ZNF197: variants seen among roughly 807,000 people sequenced by gnomAD.
The protein encoded by ZNF197 is zinc finger protein 197, also known as VHL-associated KRAB-A domain-containing protein.
ZNF197 carries 14 observed loss-of-function variants against 27.4 expected under a neutral mutation model. The ratio of observed to expected loss-of-function variants is 0.51; its 90% CI spans 0.34 to 0.80. ZNF197 has a LOEUF of 0.80. Among genes scored for constraint, ZNF197 ranks in the 30% least tolerant of loss-of-function variants. ZNF197 has a pLI of 0.02. For missense variants in ZNF197, 1,090 were observed against 1,222.6 expected (o/e 0.89, Z 1.62); for synonymous variants, 415 against 420.0 (o/e 0.99, Z 0.15).
Position 44,645,698 on chromosome 3 carries a change from T to C in ZNF197, c.*1478T>C. 3 of 985,444 alleles carry C rather than the reference T, an allele frequency of 3.0e-6. No individual in the cohort carries two copies. Among genetic ancestry groups the C allele is most frequent in the Non-Finnish European group, 3.6e-6 (3 of 829,934 alleles). The allele number at this position is 985,444 out of a possible 1,614,324, so 61.0% of individuals were successfully genotyped here. A position where few individuals can be genotyped will look rare whatever the true frequency, so the allele number is the denominator to read the frequency against. ...GTGAATTCTAATCAATATTTCATCA[T>C]TGCTGTCAAATGATAGCCTGTTACT... On this transcript the variant is annotated 3_prime_UTR_variant, in exon 6 of 6. Coordinates refer to ENST00000344387, the MANE Select transcript of ZNF197 (RefSeq NM_006991.5).
chr3:44,629,801 A>G (rs938397319), intron 2 of ZNF197, among the ~76,000 whole-genome samples: 4 of 152,238 alleles, frequency 2.6e-5, no homozygotes, highest in Non-Finnish European at 4.4e-5. Context: ...TCCCTTGGGT[A>G]ATGCTTGCTA....
chr3:44,625,077 G>C lies in ZNF197; in HGVS notation c.-148G>C, dbSNP rs932484083. On this transcript the variant is annotated 5_prime_UTR_variant, in exon 1 of 6. Transcript: ENST00000344387. ...GGCTGCCGGAAGGGCTCGTTCCTGTGTCATCTCCTAGCGGCCTGGCGCCGA... is the reference window on the plus strand; with the variant it reads ...GGCTGCCGGAAGGGCTCGTTCCTGTCTCATCTCCTAGCGGCCTGGCGCCGA... 6.6e-6 allele frequency: 1 copy of C among 152,234 alleles called. No homozygotes were observed. Among genetic ancestry groups the C allele is most frequent in the African/African-American group, 2.4e-5 (1 of 41,464 alleles). 9.4% of individuals were successfully genotyped at this position (152,234 alleles called of 1,614,324 possible). A position where few individuals can be genotyped will look rare whatever the true frequency, so the allele number is the denominator to read the frequency against.
intron 5 of ZNF197, among the ~76,000 whole-genome samples, 181 bp from the exon 6 acceptor site, chr3:44,641,719 T>G (rs1328940682): frequency 2.0e-5 from 3 of 152,242 alleles, no homozygotes; most frequent in African/African-American, 4.8e-5. Context: ...TGTATGTTAA[T>G]CCATTTACAA....
Position 44,647,952 on chromosome 3 carries a change from A to T in ZNF197, c.*3732A>T, listed in dbSNP as rs545428450. The T allele has an allele frequency of 1.3e-5, 2 of 152,292 alleles. No individual in the cohort carries two copies. Among genetic ancestry groups the T allele is most frequent in the African/African-American group, 4.8e-5 (2 of 41,554 alleles). The allele number at this position is 152,292 out of a possible 1,614,324, so 9.4% of individuals were successfully genotyped here. ...ATACACACATACTGTACCAATGTTG[A>T]TTTCCTTTTTCATTTTATGTAAGAT... On this transcript the variant is annotated 3_prime_UTR_variant, in exon 6 of 6. Transcript: ENST00000344387.
intron 1 of ZNF197, among the ~76,000 whole-genome samples, chr3:44,627,314 C>T (rs770992978): frequency 3.3e-5 from 5 of 152,166 alleles, no homozygotes; most frequent in African/African-American, 9.7e-5. Context: ...AGGATCATCT[C>T]CTCAGAATAC....
In ZNF197 at chr3:44,646,591, C is replaced by A; in HGVS notation, c.*2371C>A. ...TTGCATAAGAAAGCTGCCCTGGATT[C>A]TTCAAAATATTATTATGATGAAAAA... On this transcript the variant is annotated 3_prime_UTR_variant, in exon 6 of 6. Coordinates refer to ENST00000344387, the MANE Select transcript of ZNF197 (RefSeq NM_006991.5). 1 of 890,866 alleles carries A rather than the reference C, an allele frequency of 1.1e-6. No homozygotes were observed. Among genetic ancestry groups the A allele is most frequent in the Non-Finnish European group, 1.9e-6 (1 of 528,714 alleles). 55.2% of individuals were successfully genotyped at this position (890,866 alleles called of 1,614,324 possible).
Position 44,639,766 on chromosome 3 carries a change from G to C in ZNF197, c.770-2134G>C, listed in dbSNP as rs146964896. Among the ~76,000 whole-genome samples, 726 of 152,130 alleles carry C rather than the reference G, an allele frequency of 4.8e-3. 10 individuals carry two copies. Among genetic ancestry groups the C allele is most frequent in the African/African-American group, 0.017 (690 of 41,506 alleles). On this transcript the variant is annotated intron_variant, in intron 5 of 5. Coordinates refer to ENST00000344387, the MANE Select transcript of ZNF197 (RefSeq NM_006991.5). ...AAGAAGAAGAGCAATTCAGGAAGAG[G>C]AAAGGACACGGACAGTGATAGGCAA...
chr3:44,626,995 G>A (rs1701705475), intron 1 of ZNF197, among the ~76,000 whole-genome samples: 1 of 152,112 alleles, frequency 6.6e-6, no homozygotes, highest in Admixed American at 6.5e-5. Flanking sequence ...TGCGGAGAGG[G>A]GCTGTGTATT....
chr3:44,626,355 T>G (rs970350794), intron 1 of ZNF197, among the ~76,000 whole-genome samples: 1 of 150,076 alleles, frequency 6.7e-6, no homozygotes, highest in South Asian at 2.1e-4. Flanking sequence ...ATGCTCAGAG[T>G]GAAAAAGGTC....
chr3:44,632,548 G>A lies in ZNF197; in HGVS notation c.718G>A (p.Ala240Thr). ...EWACLGPIQR[A>T]LYWDVMLENY... is the part of the protein sequence containing the mutation. ...GGCATGTCTGGGCCCAATCCAGAGGGCCTTGTACTGGGATGTGATGCTGGA... is the reference window on the plus strand; with the variant it reads ...GGCATGTCTGGGCCCAATCCAGAGGACCTTGTACTGGGATGTGATGCTGGA... Residue 240 changes from alanine (A) to threonine (T), a missense_variant, in exon 5 of 6, where the codon GCC becomes ACC. Coordinates refer to ENST00000344387, the MANE Select transcript of ZNF197 (RefSeq NM_006991.5). The A allele has an allele frequency of 6.2e-7, 1 of 1,608,058 alleles. No individual in the cohort carries two copies. The highest frequency in any genetic ancestry group is 8.5e-7 in the Non-Finnish European group (1 of 1,177,258).
intron 1 of ZNF197, among the ~76,000 whole-genome samples, chr3:44,627,188 T>G (rs1474134210): frequency 6.6e-6 from 1 of 152,246 alleles, no homozygotes; most frequent in Admixed American, 6.5e-5. Context: ...GTATACATTT[T>G]ATAATTTTAA....
intron 2 of ZNF197, chr3:44,630,763 G>C (rs988159153): frequency 5.9e-6 from 3 of 507,350 alleles, no homozygotes; most frequent in Non-Finnish European, 1.1e-5. Context: ...TAAAATCCAT[G>C]CTCTTAATTA....
At position 44,643,965 on chromosome 3, in the gene ZNF197, A is replaced by G. The variant is rs61747170; in HGVS notation, c.2835A>G (p.Leu945=). ...AATCCTTTACTTCTAAGAGGAATTT[A>G]GTTGGCCACCAGAGAATTCACACAG... is the stretch of plus-strand genomic sequence containing the variant. ...CRKSFTSKRN[L]VGHQRIHTGE... The change falls in exon 6 of 6, where the codon TTA becomes TTG. Residue 945 remains leucine (L), a synonymous_variant. Coordinates refer to ENST00000344387, the MANE Select transcript of ZNF197 (RefSeq NM_006991.5). 6,286 of 1,614,164 alleles carry G rather than the reference A, an allele frequency of 3.9e-3. 14 individuals carry two copies. The highest frequency in any genetic ancestry group is 4.7e-3 in the Non-Finnish European group (5,537 of 1,180,022).
Position 44,647,631 on chromosome 3 carries a change from CTT to C in ZNF197, c.*3412_*3413del, listed in dbSNP as rs1367968595. The stretch of plus-strand genomic sequence containing the variant: ...ACTTGTTACTCTGCAATAAAATTGA[CTT>C]ATTGATATCCATAACAACTCAAATA... On this transcript the variant is annotated 3_prime_UTR_variant, in exon 6 of 6. Coordinates refer to ENST00000344387, the MANE Select transcript of ZNF197 (RefSeq NM_006991.5). The C allele has an allele frequency of 6.6e-6, 1 of 152,110 alleles. No individual in the cohort carries two copies. Among genetic ancestry groups the C allele is most frequent in the South Asian group, 2.1e-4 (1 of 4,828 alleles). 9.4% of individuals were successfully genotyped at this position (152,110 alleles called of 1,614,324 possible). A position where few individuals can be genotyped will look rare whatever the true frequency, so the allele number is the denominator to read the frequency against.
chr3:44,630,898 T>C (rs1243038051), intron 2 of ZNF197, 164 bp from the exon 3 acceptor site: 2 of 954,336 alleles, frequency 2.1e-6, no homozygotes, highest in East Asian at 4.9e-5. Context: ...GGCAGCTCCA[T>C]TGTTCTCAAT....
In ZNF197 at chr3:44,645,591, G is replaced by A. The variant is rs1702909863; in HGVS notation, c.*1371G>A. 2.0e-6 allele frequency: 2 copies of A among 985,226 alleles called. No homozygotes were observed. Among genetic ancestry groups the A allele is most frequent in the African/African-American group, 1.7e-5 (1 of 57,200 alleles). 61.0% of individuals were successfully genotyped at this position (985,226 alleles called of 1,614,324 possible). On this transcript the variant is annotated 3_prime_UTR_variant, in exon 6 of 6. Transcript: ENST00000344387. ...AGATGGAGAGTGTCAAAATGGAAGG[G>A]CAGTGGTACCCTGCTTTCCCTATTC...
Position 44,643,605 on chromosome 3 carries a change from G to A in ZNF197, c.2475G>A (p.Lys825=), listed in dbSNP as rs147591122. The change falls in exon 6 of 6, where the codon AAG becomes AAA. Residue 825 remains lysine (K), a synonymous_variant. Transcript: ENST00000344387. Reference sequence around the variant, plus strand: ...CTTATAAATGCAATGACTGTGGGAAGGTCTTCAGTTACCGCTCAAACCTTA... The same window carrying A: ...CTTATAAATGCAATGACTGTGGGAAAGTCTTCAGTTACCGCTCAAACCTTA... ...EKSYKCNDCG[K]VFSYRSNLIA... is the part of the protein sequence containing the mutation. 2.9e-4 allele frequency: 462 copies of A among 1,614,150 alleles called. No homozygotes were observed. In the East Asian group the frequency reaches 9.7e-3, roughly 34 times the overall value.
chr3:44,642,463 CAG>C lies in ZNF197; in HGVS notation c.1336_1337del (p.Arg446AspfsTer9), dbSNP rs1452909974. 2 of 1,613,748 alleles carry C rather than the reference CAG, an allele frequency of 1.2e-6. No individual in the cohort carries two copies. The highest frequency in any genetic ancestry group is 2.7e-5 in the African/African-American group (2 of 74,834). On this transcript the variant is annotated frameshift_variant, in exon 6 of 6. Transcript: ENST00000344387. LOFTEE classifies it low-confidence loss of function (END_TRUNC). The part of the protein sequence containing the change: ...FSQSAYLLNH[Q>X]RIHTGEKPYK... ...TCAAAGTGCTTACCTTCTAAACCAT[CAG>C]AGGATCCACACTGGGGAGAAACCTT...
rs1289849730 is a variant in ZNF197 at position 44,640,610 on chromosome 3, T to G, written c.770-1290T>G. 6.6e-6 allele frequency among the ~76,000 whole-genome samples: 1 copy of G among 152,192 alleles called. No homozygotes were observed. Among genetic ancestry groups the G allele is most frequent in the African/African-American group, 2.4e-5 (1 of 41,448 alleles). On this transcript the variant is annotated intron_variant, in intron 5 of 5. Coordinates refer to ENST00000344387, the MANE Select transcript of ZNF197 (RefSeq NM_006991.5). This position sits in a 1 kb window ranked among gnomAD's most constrained non-coding sequence, Gnocchi z 4.0. ...CCAGGCTGGTCTCAAAGTCCTGACC[T>G]CAAGTGATCCGCCCTCCTCAGCCTC...
Sources: allele counts gnomAD v4.1 joint callset (sites outside exome capture counted in the v4.1 genomes callset), GRCh38; gene constraint gnomAD v4.1.1; non-coding constraint Gnocchi (gnomAD v3.1); transcripts MANE v1.5; gene names NCBI Gene and HGNC (gene_info 2026-07-23, HGNC 2026-07-21).